The following USP42 variants were observed in gnomAD, a reference collection of about 807,000 sequenced individuals.
USP42 encodes the protein ubiquitin specific peptidase 42, also known as ubiquitin carboxyl-terminal hydrolase 42.
In USP42, 23 loss-of-function variants were observed where a neutral mutation model predicts 113.0. The observed-to-expected ratio is 0.20, with a 90% CI of 0.15 to 0.29. The LOEUF is 0.29. Ranked by LOEUF, USP42 falls within the 10% of genes least tolerant of loss-of-function variation. The pLI is 1.00. For synonymous variants in USP42, 933 were observed against 699.0 expected (o/e 1.33, Z -5.28); for missense variants, 2,174 against 1,779.8 (o/e 1.22, Z -3.99).
chr7:6,112,183 C>A (rs1490201669), intron 2 of USP42, among the ~76,000 whole-genome samples: 1 of 152,046 alleles, frequency 6.6e-6, no homozygotes, highest in Non-Finnish European at 1.5e-5. Context: ...GGCATGGTGG[C>A]TCCACCTGTT....
intron 15 of USP42, among the ~76,000 whole-genome samples, chr7:6,156,505 G>A (rs977452692): frequency 4.6e-5 from 7 of 152,174 alleles, no homozygotes; most frequent in Admixed American, 2.6e-4. Flanking sequence ...GCTGGAGTGC[G>A]GTGTTGCAGT....
At position 6,154,734 on chromosome 7, in the gene USP42, G is replaced by A. The variant is rs1285738191; in HGVS notation, c.3180G>A (p.Arg1060=). 1.3e-6 allele frequency: 2 copies of A among 1,581,250 alleles called. No individual in the cohort carries two copies. Among genetic ancestry groups the A allele is most frequent in the South Asian group, 1.2e-5 (1 of 86,294 alleles). Residue 1060 remains arginine, a synonymous_variant, in exon 15 of 18, where the codon CGG becomes CGA. Coordinates refer to ENST00000306177, the MANE Select transcript of USP42 (RefSeq NM_032172.3). ...YPDRPRWDRC[R]YYHDRYALYA... ...ACAGGCCGCGCTGGGACAGGTGCCG[G>A]TACTACCATGACAGGTACGCCCTGT...
chr7:6,092,178 CTTTTTTT>C, the USP42 span, among the ~76,000 whole-genome samples: 1 of 91,426 alleles, frequency 1.1e-5, no homozygotes, highest in Non-Finnish European at 2.3e-5. Flanking sequence ...TTCTTCTTCT[CTTTTTTT>C]TTTTTTTTTT....
At chr7:6,129,060 C>A (rs904502821) in intron 3 of USP42, among the ~76,000 whole-genome samples, 9 of 152,294 alleles carry the variant, frequency 5.9e-5, no homozygotes, top group African/African-American at 2.2e-4. Context: ...CATCCGCCCA[C>A]CTCAGGCTCA....
In USP42 at chr7:6,154,292, A is replaced by G. The variant is rs755427729; in HGVS notation, c.2738A>G (p.Glu913Gly). 4.4e-6 allele frequency: 7 copies of G among 1,589,142 alleles called. No homozygotes were observed. The highest frequency in any genetic ancestry group is 5.1e-6 in the Non-Finnish European group (6 of 1,168,652). Residue 913 changes from glutamate (E) to glycine (G), a missense_variant, in exon 15 of 18, where the codon GAA becomes GGA. Glu to Gly is a moderately conservative substitution (Grantham distance 98, BLOSUM62 -2). Transcript: ENST00000306177. ...GACATGGCCCCGGCCGGTCACCCGG[A>G]AGGGGACGCTGAGCCTAGCCCCGGC... ...VLDMAPAGHP[E>G]GDAEPSPGER...
chr7:6,099,810 A>C, the USP42 span, among the ~76,000 whole-genome samples: 1 of 150,774 alleles, frequency 6.6e-6, no homozygotes, highest in Admixed American at 6.6e-5. Context: ...TAAAAATACA[A>C]AAATTATCTG....
chr7:6,154,737 C>T lies in USP42; in HGVS notation c.3183C>T (p.Tyr1061=), dbSNP rs1238706767. Residue 1061 remains tyrosine (Y), a synonymous_variant, in exon 15 of 18, where the codon TAC becomes TAT. Coordinates refer to ENST00000306177, the MANE Select transcript of USP42 (RefSeq NM_032172.3). ...GGCCGCGCTGGGACAGGTGCCGGTA[C>T]TACCATGACAGGTACGCCCTGTACG... ...PDRPRWDRCR[Y]YHDRYALYAA... 3 of 1,580,300 alleles carry T rather than the reference C, an allele frequency of 1.9e-6. No individual in the cohort carries two copies. Among genetic ancestry groups the T allele is most frequent in the East Asian group, 2.3e-5 (1 of 42,906 alleles).
chr7:6,157,433 A>G lies in USP42; in HGVS notation c.3943+378A>G, dbSNP rs190284834. 1.4e-3 allele frequency: 1,389 copies of G among 959,460 alleles called. 1 individual carries two copies. The highest frequency in any genetic ancestry group is 1.8e-3 in the Admixed American group (29 of 16,220). The allele number at this position is 959,460 out of a possible 1,614,324, so 59.4% of individuals were successfully genotyped here. On this transcript the variant is annotated intron_variant, in intron 16 of 17. Coordinates refer to ENST00000306177, the MANE Select transcript of USP42 (RefSeq NM_032172.3). This position sits in a 1 kb window ranked among gnomAD's most constrained non-coding sequence, Gnocchi z 4.1. ...ATTTTTTGAGACGGAGTCTTGCTCT[A>G]TTGCCCAGGCTGGAGTGCAGTGGCG...
In USP42 at chr7:6,140,969, A is replaced by C. The variant is rs1781396358; in HGVS notation, c.780A>C (p.Ile260=). The change falls in exon 7 of 18, where the codon ATA becomes ATC. Residue 260 remains isoleucine, a synonymous_variant. Coordinates refer to ENST00000306177, the MANE Select transcript of USP42 (RefSeq NM_032172.3). ...ATACTTTTGATCCATATCTTGATATAACATTGGAGATAAAGGTAAATTTCA... is the reference window on the plus strand; with the variant it reads ...ATACTTTTGATCCATATCTTGATATCACATTGGAGATAAAGGTAAATTTCA... ...VSDTFDPYLD[I]TLEIKAAQSV... 1 of 1,529,194 alleles carries C rather than the reference A, an allele frequency of 6.5e-7. No individual in the cohort carries two copies. The highest frequency in any genetic ancestry group is 1.2e-5 in the South Asian group (1 of 80,296). The allele number at this position is 1,529,194 out of a possible 1,614,324, so 94.7% of individuals were successfully genotyped here.
In USP42 at chr7:6,159,414, A is replaced by G; in HGVS notation, c.3944-36A>G. ...CAGAGGCCCTGGCGATTTTGCAACC[A>G]TCATTAAAATCTCTTTCCTGACCTT... On this transcript the variant is annotated intron_variant, in intron 16 of 17. Coordinates refer to ENST00000306177, the MANE Select transcript of USP42 (RefSeq NM_032172.3). The surrounding 1 kb of genome is among the most constrained non-coding windows in gnomAD (Gnocchi z 4.1). The G allele has an allele frequency of 6.2e-7, 1 of 1,613,780 alleles. No individual in the cohort carries two copies. The highest frequency in any genetic ancestry group is 8.5e-7 in the Non-Finnish European group (1 of 1,179,828).
intron 1 of USP42, among the ~76,000 whole-genome samples, chr7:6,106,653 C>G (rs1434382754): frequency 6.6e-6 from 1 of 152,186 alleles, no homozygotes; most frequent in Non-Finnish European, 1.5e-5. Context: ...TAGCCTCAAT[C>G]TCCTGAGCTC....
rs951586180 is a variant in USP42, at chr7:6,149,616, A to C, written c.1420A>C (p.Lys474Gln). Residue 474 changes from lysine to glutamine, a missense_variant, in exon 13 of 18, where the codon AAA (lysine) becomes CAA (glutamine). Physicochemically the swap from Lys to Gln is moderately conservative, Grantham distance 53. Transcript: ENST00000306177. ...TCACTTAAATGGGACTGGACCATTGAAAGACACGCCAAGCAGTTCCATGTC... is the reference window on the plus strand; with the variant it reads ...TCACTTAAATGGGACTGGACCATTGCAAGACACGCCAAGCAGTTCCATGTC... The part of the protein sequence containing the change: ...PPHLNGTGPL[K>Q]DTPSSSMSSP... The C allele has an allele frequency of 1.7e-5, 28 of 1,613,850 alleles. No individual in the cohort carries two copies. Among genetic ancestry groups the C allele is most frequent in the Admixed American group, 6.7e-5 (4 of 59,996 alleles).
chr7:6,113,920 C>G (rs780481710), intron 2 of USP42, among the ~76,000 whole-genome samples: 1 of 152,168 alleles, frequency 6.6e-6, no homozygotes, highest in Non-Finnish European at 1.5e-5. Context: ...TGTGCCCGAC[C>G]CAATCTCAGC....
chr7:6,104,783 C>G (rs980794994), upstream of USP42: 1 of 151,902 alleles, frequency 6.6e-6, no homozygotes, highest in African/African-American at 2.4e-5. Flanking sequence ...ACCCCTCCCA[C>G]ACTCGCCGTG....
the USP42 span, among the ~76,000 whole-genome samples, chr7:6,091,876 A>G: frequency 1.3e-5 from 2 of 150,726 alleles, no homozygotes; most frequent in Non-Finnish European, 2.9e-5. Context: ...GGTGCACCAC[A>G]GCACTCTCAA....
intron 3 of USP42, among the ~76,000 whole-genome samples, chr7:6,133,540 G>C (rs963633488): frequency 6.6e-6 from 1 of 151,932 alleles, no homozygotes; most frequent in Non-Finnish European, 1.5e-5. Flanking sequence ...TTTGAGACAG[G>C]ATCTTACTCT....
chr7:6,119,090 C>T lies in USP42; in HGVS notation c.442+3567C>T, dbSNP rs866725228. On this transcript the variant is annotated intron_variant, in intron 3 of 17. Transcript: ENST00000306177. ...ATTAGCTGCATCTGGGAACTCATGC[C>T]TATAGTCCTAGTTACTTCGGAGGCT... is the stretch of plus-strand genomic sequence containing the variant. Among the ~76,000 whole-genome samples, 7 of 151,866 alleles carry T rather than the reference C, an allele frequency of 4.6e-5. No individual in the cohort carries two copies. The South Asian group carries it at 1.5e-3, about 32-fold the overall frequency.
chr7:6,155,679 A>G (rs1486102760), intron 15 of USP42, among the ~76,000 whole-genome samples: 3 of 152,236 alleles, frequency 2.0e-5, no homozygotes, highest in East Asian at 1.9e-4. Context: ...CAGCGTAGGC[A>G]TCGGAGACAC....
the USP42 span, chr7:6,081,774 C>T: frequency 2.0e-5 from 3 of 152,218 alleles, no homozygotes; most frequent in Admixed American, 6.5e-5. Context: ...GCCGCTCCTC[C>T]CTGCTGTTCA....
Sources: gnomAD v4.1 joint callset for allele counts (sites outside exome capture counted in the v4.1 genomes callset) on GRCh38, gnomAD v4.1.1 for gene constraint, Gnocchi (gnomAD v3.1) non-coding constraint, MANE v1.5 for transcripts, NCBI Gene and HGNC (gene_info 2026-07-23, HGNC 2026-07-21) for gene names.